COX7B2: variants seen among roughly 807,000 people sequenced by gnomAD.
The protein encoded by COX7B2 is cytochrome c oxidase subunit 7B2.
For missense variants in COX7B2, 109 were observed against 95.9 expected (o/e 1.14, Z -0.57); for synonymous variants, 37 against 32.1 (o/e 1.15, Z -0.51).
chr4:46,856,529 C>A (rs1717018040), intron 1 of COX7B2, among the ~76,000 whole-genome samples: 1 of 152,146 alleles, frequency 6.6e-6, no homozygotes, highest in African/African-American at 2.4e-5. Context: ...AGTTTCTATT[C>A]TTTGGTTTCC....
chr4:46,905,857 C>T (rs548147902), intron 1 of COX7B2, among the ~76,000 whole-genome samples: 2 of 108,262 alleles, frequency 1.8e-5, no homozygotes, highest in East Asian at 3.1e-4. Context: ...GAGTCTCGCT[C>T]TGTCGCCCAG....
chr4:46,790,497 TA>T (rs1717982853), intron 2 of COX7B2, among the ~76,000 whole-genome samples: 1 of 152,236 alleles, frequency 6.6e-6, no homozygotes, highest in Non-Finnish European at 1.5e-5. Flanking sequence ...TTGCTGGGCT[TA>T]TCTTATTGTT....
At chr4:46,832,670 A>G (rs1715225361) in intron 2 of COX7B2, among the ~76,000 whole-genome samples, 1 of 152,092 alleles carries the variant, frequency 6.6e-6, no homozygotes, top group African/African-American at 2.4e-5. Context: ...CAGATTCCTA[A>G]TAAACTGTTT....
intron 2 of COX7B2, among the ~76,000 whole-genome samples, chr4:46,758,018 C>T (rs1715901778): frequency 6.6e-6 from 1 of 151,886 alleles, no homozygotes; most frequent in Non-Finnish European, 1.5e-5. Flanking sequence ...AGCTACAATA[C>T]TTTATGGTAA....
At chr4:46,821,024 G>A (rs1714247085) in intron 2 of COX7B2, among the ~76,000 whole-genome samples, 1 of 152,014 alleles carries the variant, frequency 6.6e-6, no homozygotes, top group East Asian at 1.9e-4. Context: ...TGAGTTGTAT[G>A]CATGCTAAAG....
intron 2 of COX7B2, among the ~76,000 whole-genome samples, chr4:46,776,167 A>G (rs893517326): frequency 2.6e-5 from 4 of 152,076 alleles, no homozygotes; most frequent in Non-Finnish European, 4.4e-5. Context: ...TATCTAGTAG[A>G]CAGACAAAGT....
chr4:46,789,528 T>G (rs1717926983), intron 2 of COX7B2, among the ~76,000 whole-genome samples: 1 of 152,202 alleles, frequency 6.6e-6, no homozygotes, highest in Admixed American at 6.5e-5. Flanking sequence ...ATCCAAGAAC[T>G]TCTAGTTGGC....
chr4:46,783,905 T>C (rs1717613285), intron 2 of COX7B2, among the ~76,000 whole-genome samples: 1 of 152,218 alleles, frequency 6.6e-6, no homozygotes, highest in Non-Finnish European at 1.5e-5. Context: ...TTTGGCAGTT[T>C]TACTTCTCTT....
intron 1 of COX7B2, among the ~76,000 whole-genome samples, chr4:46,870,505 A>T (rs1467254098): frequency 6.6e-6 from 1 of 152,174 alleles, no homozygotes; most frequent in Non-Finnish European, 1.5e-5. Context: ...GGGAAAAGAA[A>T]GAAAGTGCAT....
At chr4:46,845,333 T>A (rs1512141) in intron 1 of COX7B2, among the ~76,000 whole-genome samples, 2 of 151,576 alleles carry the variant, frequency 1.3e-5, no homozygotes, top group Admixed American at 6.6e-5. Flanking sequence ...ACCACTCACC[T>A]GTACCCAACC....
At chr4:46,803,322 CAA>C (rs1718763879) in intron 2 of COX7B2, among the ~76,000 whole-genome samples, 1 of 152,074 alleles carries the variant, frequency 6.6e-6, no homozygotes, top group African/African-American at 2.4e-5. Flanking sequence ...CATTAGAAAA[CAA>C]AGTTATGTTG....
At chr4:46,875,212 T>C (rs1056492275) in intron 1 of COX7B2, among the ~76,000 whole-genome samples, 3 of 152,206 alleles carry the variant, frequency 2.0e-5, no homozygotes, top group Non-Finnish European at 4.4e-5. Context: ...TTTGGAAATG[T>C]TATGGAACAA....
intron 2 of COX7B2, among the ~76,000 whole-genome samples, chr4:46,822,123 G>A (rs544740233): frequency 8.7e-4 from 133 of 152,266 alleles, no homozygotes; most frequent in African/African-American, 2.9e-3. Context: ...ATGTTGGCCA[G>A]GATAGTCTCC....
At chr4:46,820,205 G>A (rs1714171381) in intron 2 of COX7B2, among the ~76,000 whole-genome samples, 1 of 152,090 alleles carries the variant, frequency 6.6e-6, no homozygotes, top group African/African-American at 2.4e-5. Context: ...CAACTAGATG[G>A]TCCCATCTGG....
At chr4:46,738,608 A>G (rs534774576) in intron 2 of COX7B2, among the ~76,000 whole-genome samples, 1 of 152,204 alleles carries the variant, frequency 6.6e-6, no homozygotes, top group African/African-American at 2.4e-5. Context: ...TTAAACCCAT[A>G]TTACATACCT....
intron 2 of COX7B2, among the ~76,000 whole-genome samples, chr4:46,800,012 A>G (rs1029597904): frequency 5.3e-5 from 8 of 152,042 alleles, no homozygotes; most frequent in African/African-American, 1.7e-4. Context: ...TTTATTACTG[A>G]TTAAATTTCA....
chr4:46,891,437 T>G (rs1199472419), intron 1 of COX7B2, among the ~76,000 whole-genome samples: 1 of 151,988 alleles, frequency 6.6e-6, no homozygotes, highest in Non-Finnish European at 1.5e-5. Flanking sequence ...TAGCAGAAAA[T>G]ATTGACAGGG....
chr4:46,854,014 T>A (rs1269015730), intron 1 of COX7B2, among the ~76,000 whole-genome samples: 1 of 152,172 alleles, frequency 6.6e-6, no homozygotes, highest in East Asian at 1.9e-4. Flanking sequence ...TTTAGAACTA[T>A]TTTTTAGCCA....
At chr4:46,843,152 C>A (rs139689678) in intron 2 of COX7B2, among the ~76,000 whole-genome samples, 1 of 151,874 alleles carries the variant, frequency 6.6e-6, no homozygotes, top group Non-Finnish European at 1.5e-5. Context: ...CTGATGGCCA[C>A]TGATGATGAG....
Sources: gnomAD v4.1 joint callset for allele counts (sites outside exome capture counted in the v4.1 genomes callset) on GRCh38, gnomAD v4.1.1 for gene constraint, MANE v1.5 for transcripts, NCBI Gene and HGNC (gene_info 2026-07-23, HGNC 2026-07-21) for gene names.